ERC2: variants seen among roughly 807,000 people sequenced by gnomAD.
The protein encoded by ERC2 is ELKS/RAB6-interacting/CAST family member 2.
ERC2 carries 42 observed loss-of-function variants against 114.8 expected under a neutral mutation model. The ratio of observed to expected loss-of-function variants is 0.37; its 90% CI spans 0.29 to 0.47. ERC2 has a LOEUF of 0.47. ERC2 is among the 20% of genes least tolerant of loss of function. The pLI, the probability that ERC2 is intolerant of heterozygous loss-of-function variation, is 0.99. For missense variants in ERC2, 939 were observed against 1,150.7 expected (o/e 0.82, Z 2.66); for synonymous variants, 454 against 425.5 (o/e 1.07, Z -0.82).
intron 17 of ERC2, among the ~76,000 whole-genome samples, chr3:55,599,016 G>A (rs1281600134): frequency 2.0e-5 from 3 of 152,186 alleles, no homozygotes; most frequent in Non-Finnish European, 2.9e-5. Context: ...GCACAAGTAG[G>A]CTTCAAATTT....
chr3:56,086,751 A>G (rs1348924833), intron 6 of ERC2, among the ~76,000 whole-genome samples: 1 of 152,142 alleles, frequency 6.6e-6, no homozygotes, highest in Non-Finnish European at 1.5e-5. Context: ...GACTGAAATT[A>G]AAGTTCCCCT....
At chr3:56,446,629 C>T (rs13066248) in intron 1 of ERC2, among the ~76,000 whole-genome samples, 109,287 of 131,878 alleles carry the variant, frequency 0.83, 45,481 homozygotes, top group East Asian at 0.93. Flanking sequence ...TTTTTTCTTT[C>T]TTTTTTTTTT....
intron 14 of ERC2, among the ~76,000 whole-genome samples, chr3:55,826,682 C>T (rs1418365362): frequency 6.6e-6 from 1 of 152,212 alleles, no homozygotes; most frequent in Non-Finnish European, 1.5e-5. Flanking sequence ...CCATGCCAAA[C>T]TAATGAAGTC....
intron 12 of ERC2, among the ~76,000 whole-genome samples, chr3:55,967,219 T>C (rs567013637): frequency 6.6e-6 from 1 of 152,236 alleles, no homozygotes; most frequent in Non-Finnish European, 1.5e-5. Context: ...AGCTGTAGCA[T>C]AATTTAGAAA....
intron 11 of ERC2, among the ~76,000 whole-genome samples, chr3:55,987,883 G>T (rs991019342): frequency 3.3e-5 from 5 of 152,166 alleles, no homozygotes; most frequent in Non-Finnish European, 7.4e-5. Flanking sequence ...CAGGGATCCA[G>T]CCTCCTCTCC....
chr3:56,092,921 G>T (rs1408437195), intron 6 of ERC2, among the ~76,000 whole-genome samples: 1 of 152,164 alleles, frequency 6.6e-6, no homozygotes, highest in East Asian at 1.9e-4. Context: ...GATATGCCAT[G>T]AATTTTCTAA....
At chr3:55,675,667 A>G (rs1452358781) in intron 17 of ERC2, among the ~76,000 whole-genome samples, 1 of 152,134 alleles carries the variant, frequency 6.6e-6, no homozygotes, top group Non-Finnish European at 1.5e-5. Flanking sequence ...CTCCCCAAAG[A>G]GGCCTCTGAG....
chr3:56,212,791 A>G (rs1391644089), intron 3 of ERC2, among the ~76,000 whole-genome samples: 1 of 110,864 alleles, frequency 9.0e-6, no homozygotes, highest in East Asian at 2.7e-4. Flanking sequence ...ATACATATAC[A>G]TATACACACA....
intron 3 of ERC2, among the ~76,000 whole-genome samples, chr3:56,204,542 T>C (rs1575815475): frequency 1.4e-5 from 2 of 143,088 alleles, no homozygotes; most frequent in South Asian, 2.2e-4. Flanking sequence ...TCTCACTCTG[T>C]CGCCAGCCTG....
chr3:55,968,937 A>C (rs2068952240), intron 12 of ERC2, among the ~76,000 whole-genome samples: 1 of 152,122 alleles, frequency 6.6e-6, no homozygotes, highest in Admixed American at 6.5e-5. Flanking sequence ...CCCTTGCTAC[A>C]TAAAGGGGTC....
At chr3:56,377,545 T>C (rs79165403) in intron 2 of ERC2, among the ~76,000 whole-genome samples, 2,824 of 152,282 alleles carry the variant, frequency 0.019, 91 homozygotes, top group African/African-American at 0.065. Flanking sequence ...GTAGAAACTT[T>C]CAAATATAAG....
intron 3 of ERC2, among the ~76,000 whole-genome samples, chr3:56,264,398 A>G (rs956618075): frequency 6.6e-6 from 1 of 152,086 alleles, no homozygotes; most frequent in Non-Finnish European, 1.5e-5. Context: ...GGAGTTCAAG[A>G]CCAGCCTGGC....
chr3:55,621,244 T>C (rs2059316783), intron 17 of ERC2, among the ~76,000 whole-genome samples: 1 of 152,074 alleles, frequency 6.6e-6, no homozygotes, highest in Non-Finnish European at 1.5e-5. Flanking sequence ...GAGACACTAC[T>C]ATAAAACACC....
At chr3:56,130,289 C>G (rs113051440) in intron 6 of ERC2, among the ~76,000 whole-genome samples, 6 of 152,294 alleles carry the variant, frequency 3.9e-5, no homozygotes, top group African/African-American at 1.4e-4. Context: ...CAAAAAACAT[C>G]TCCTAGGCTC....
intron 2 of ERC2, among the ~76,000 whole-genome samples, chr3:56,386,437 C>T (rs1485378825): frequency 1.3e-5 from 2 of 151,972 alleles, no homozygotes; most frequent in African/African-American, 2.4e-5. Flanking sequence ...TGGAATTATC[C>T]CCAAAGCTTC....
intron 14 of ERC2, among the ~76,000 whole-genome samples, chr3:55,835,922 A>G (rs1178807255): frequency 1.3e-5 from 2 of 151,662 alleles, no homozygotes. Context: ...ATACAAAATC[A>G]ATGTACAAAA....
At chr3:55,829,084 T>C (rs183134978) in intron 14 of ERC2, among the ~76,000 whole-genome samples, 4 of 152,238 alleles carry the variant, frequency 2.6e-5, no homozygotes, top group East Asian at 1.9e-4. Context: ...TGAGGCATGA[T>C]TGTGTCACTG....
At chr3:55,530,214 T>C (rs1464450805) in intron 17 of ERC2, among the ~76,000 whole-genome samples, 2 of 152,226 alleles carry the variant, frequency 1.3e-5, no homozygotes, top group Non-Finnish European at 2.9e-5. Context: ...TTTAGGTTTA[T>C]GAAAACCATG....
At chr3:56,162,865 G>A (rs2082125088) in intron 4 of ERC2, among the ~76,000 whole-genome samples, 1 of 151,910 alleles carries the variant, frequency 6.6e-6, no homozygotes, top group African/African-American at 2.4e-5. Flanking sequence ...TCTCAATTGT[G>A]TTCAGTTCTG....
Sources: gnomAD v4.1 joint callset for allele counts (sites outside exome capture counted in the v4.1 genomes callset) on GRCh38, gnomAD v4.1.1 for gene constraint, MANE v1.5 for transcripts, NCBI Gene and HGNC (gene_info 2026-07-23, HGNC 2026-07-21) for gene names.